The following LRP5 variants were observed in gnomAD, a reference collection of about 807,000 sequenced individuals.
LRP5 encodes low-density lipoprotein receptor-related protein 5.
Under a neutral mutation model 154.1 loss-of-function variants are expected in LRP5, and 62 were observed. The ratio of observed to expected loss-of-function variants is 0.40; its 90% confidence interval spans 0.33 to 0.50. LRP5 has a LOEUF of 0.50. LRP5 is among the 20% of genes least tolerant of loss of function. The pLI is 0.55. For synonymous variants in LRP5, 966 were observed against 1,011.5 expected, an observed-to-expected ratio of 0.96 and a Z score of 0.85; for missense variants, 1,915 against 2,336.7, an observed-to-expected ratio of 0.82 and a Z score of 3.72.
intron 17 of LRP5, among the ~76,000 whole-genome samples, chr11:68,430,690 T>C (rs2098671396): frequency 6.6e-6 from 1 of 152,198 alleles, no homozygotes; most frequent in Non-Finnish European, 1.5e-5. Context: ...AGTCTCCAAC[T>C]CTAATGGTGG....
rs761661947 is a variant in LRP5, at chr11:68,365,712, T to TGGGAC, written c.1015+19_1015+23dup. 64 of 134,184 alleles carry TGGGAC rather than the reference T, an allele frequency of 4.8e-4. No homozygotes were observed. Among genetic ancestry groups the TGGGAC allele is most frequent in the East Asian group, 3.1e-3 (14 of 4,478 alleles). The allele number at this position is 134,184 out of a possible 1,614,324, so 8.3% of individuals were successfully genotyped here. On this transcript the variant is annotated intron_variant, in intron 5 of 22. Transcript: ENST00000294304. The stretch of plus-strand genomic sequence containing the variant: ...AGGACGTGTAAGGCAGGTGAGGCGG[T>TGGGAC]GGGACGGGACGGGGCGGGCGGGCGG...
chr11:68,334,311 A>C (rs2153121366), intron 1 of LRP5, among the ~76,000 whole-genome samples: 1 of 152,294 alleles, frequency 6.6e-6, no homozygotes, highest in Non-Finnish European at 1.5e-5. Context: ...ATTGGCATCC[A>C]GCATCCGGAA....
At chr11:68,432,714 C>A (rs2098672624) in intron 17 of LRP5, among the ~76,000 whole-genome samples, 1 of 152,208 alleles carries the variant, frequency 6.6e-6, no homozygotes, top group Admixed American at 6.5e-5. Flanking sequence ...ATTTTCTGCA[C>A]AAAGTGGGAG....
chr11:68,345,404 C>T (rs2098612072), intron 1 of LRP5, among the ~76,000 whole-genome samples: 1 of 152,200 alleles, frequency 6.6e-6, no homozygotes. Flanking sequence ...TCTCCTGCCT[C>T]AGACTTGTGA....
intron 1 of LRP5, among the ~76,000 whole-genome samples, chr11:68,336,731 A>C (rs1242061934): frequency 6.6e-6 from 1 of 152,212 alleles, no homozygotes; most frequent in Non-Finnish European, 1.5e-5. Context: ...GGCCTCCCAA[A>C]GTGCTGAGAT....
intron 5 of LRP5, among the ~76,000 whole-genome samples, chr11:68,381,606 G>A (rs1330221718): frequency 1.3e-5 from 2 of 152,182 alleles, no homozygotes; most frequent in Admixed American, 6.5e-5. Context: ...GAGGAGGCTC[G>A]GGCGAGGGGA....
chr11:68,394,590 C>T (rs1232577735), intron 7 of LRP5, among the ~76,000 whole-genome samples: 2 of 152,154 alleles, frequency 1.3e-5, no homozygotes, highest in Non-Finnish European at 2.9e-5. Context: ...CTCAGCCTCC[C>T]GCGTAGCTGG....
In LRP5 at chr11:68,389,904, G is replaced by A. The variant is rs2098645393; in HGVS notation, c.1436G>A (p.Gly479Glu). The A allele has an allele frequency of 6.2e-7, 1 of 1,614,134 alleles. No individual in the cohort carries two copies. Among genetic ancestry groups the A allele is most frequent in the South Asian group, 1.1e-5 (1 of 91,090 alleles). Reference sequence around the variant, plus strand: ...AGCCTCATGTACTGGACAGACTGGGGAGAGAACCCTAAAATCGAGTGTGCC... The same window carrying A: ...AGCCTCATGTACTGGACAGACTGGGAAGAGAACCCTAAAATCGAGTGTGCC... The part of the protein sequence containing the change: ...VMGLMYWTDW[G>E]ENPKIECANL... The change falls in exon 7 of 23, where the codon GGA (glycine) becomes GAA (glutamate). Residue 479 changes from glycine to glutamate, a missense_variant. Around this residue, in one of 3 missense-constraint regions of LRP5, gnomAD observed 773 missense variants for 1,100.9 expected, o/e 0.70. Coordinates refer to ENST00000294304, the MANE Select transcript of LRP5 (RefSeq NM_002335.4).
the LRP5 span, among the ~76,000 whole-genome samples, chr11:68,303,401 G>A: frequency 6.6e-6 from 1 of 152,204 alleles, no homozygotes; most frequent in Non-Finnish European, 1.5e-5. Flanking sequence ...CAAATAATTT[G>A]GCTGTATTAT....
At chr11:68,351,027 T>A (rs73513025) in intron 2 of LRP5, among the ~76,000 whole-genome samples, 3,731 of 152,302 alleles carry the variant, frequency 0.024, 144 homozygotes, top group African/African-American at 0.084. Flanking sequence ...TGTGTGCACG[T>A]GTATGTGCCC....
chr11:68,444,999 G>T (rs1391672825), intron 21 of LRP5, among the ~76,000 whole-genome samples: 1 of 152,158 alleles, frequency 6.6e-6, no homozygotes, highest in Non-Finnish European at 1.5e-5. Flanking sequence ...CAGGGGAAGG[G>T]CCTGGCCACT....
chr11:68,365,783 G>A (rs2098630740), intron 5 of LRP5, 81 bp downstream of exon 5: 1 of 1,390,358 alleles, frequency 7.2e-7, no homozygotes, highest in Admixed American at 2.2e-5. Context: ...GGGTGCCCCA[G>A]AAGGAACCTC....
chr11:68,357,957 C>T, intron 3 of LRP5, 110 bp downstream of exon 3: 1 of 1,058,116 alleles, frequency 9.5e-7, no homozygotes, highest in South Asian at 1.4e-5. Flanking sequence ...ACTCTGGGGC[C>T]CTGAGGAATG....
At chr11:68,396,693 C>G (rs2098649552) in intron 7 of LRP5, among the ~76,000 whole-genome samples, 1 of 150,824 alleles carries the variant, frequency 6.6e-6, no homozygotes, top group Admixed American at 6.6e-5. Flanking sequence ...TGGGAATCAG[C>G]TTCCAGGCCG....
At chr11:68,382,176 A>G (rs2098640591) in intron 5 of LRP5, among the ~76,000 whole-genome samples, 1 of 152,250 alleles carries the variant, frequency 6.6e-6, no homozygotes, top group African/African-American at 2.4e-5. Flanking sequence ...TCACCCCAGC[A>G]GTGAAAGGAC....
At chr11:68,393,201 AT>A (rs2098647348) in intron 7 of LRP5, among the ~76,000 whole-genome samples, 2 of 151,782 alleles carry the variant, frequency 1.3e-5, no homozygotes, top group Admixed American at 1.3e-4. Context: ...GCCACAGCAC[AT>A]TTTGTTTGTC....
At chr11:68,304,214 T>A in the LRP5 span, among the ~76,000 whole-genome samples, 1 of 152,230 alleles carries the variant, frequency 6.6e-6, no homozygotes, top group African/African-American at 2.4e-5. Flanking sequence ...AGGACACTGC[T>A]CCCTGCCTGC....
chr11:68,324,470 C>T lies in LRP5; in HGVS notation c.91+11665C>T, dbSNP rs183287586. Among the ~76,000 whole-genome samples, 21 of 152,258 alleles carry T rather than the reference C, an allele frequency of 1.4e-4. No homozygotes were observed. The East Asian group carries it at 2.3e-3, about 17-fold the overall frequency. Reference sequence around the variant, plus strand: ...AGAGCTCCAGAGAGCCATGGCTGGCCGAGGGCTCACGGATTCTCACCCGCC... The same window carrying T: ...AGAGCTCCAGAGAGCCATGGCTGGCTGAGGGCTCACGGATTCTCACCCGCC... On this transcript the variant is annotated intron_variant, in intron 1 of 22. Coordinates refer to ENST00000294304, the MANE Select transcript of LRP5 (RefSeq NM_002335.4).
chr11:68,371,935 G>A (rs1424832009), intron 5 of LRP5, among the ~76,000 whole-genome samples: 1 of 152,254 alleles, frequency 6.6e-6, no homozygotes, highest in African/African-American at 2.4e-5. Context: ...AGGCCCTGGG[G>A]TCACACAGGG....
Sources: allele counts gnomAD v4.1 joint callset (sites outside exome capture counted in the v4.1 genomes callset), GRCh38; gene constraint gnomAD v4.1.1; regional missense constraint gnomAD v4.1.1; transcripts MANE v1.5; gene names NCBI Gene and HGNC (gene_info 2026-07-23, HGNC 2026-07-21).